Variants in CD200R1L observed in about 807,000 individuals in gnomAD.
The protein encoded by CD200R1L is CD200 receptor 1 like, also known as cell surface glycoprotein CD200 receptor 2.
Under a neutral mutation model 24.8 loss-of-function variants are expected in CD200R1L, and 14 were observed. The observed-to-expected ratio is 0.56, with a 90% confidence interval of 0.37 to 0.88. The LOEUF (loss-of-function observed/expected upper bound fraction) is 0.88, where lower values mean the gene tolerates loss of function less well. Ranked by LOEUF, CD200R1L falls within the 40% of genes least tolerant of loss-of-function variation. The pLI, the probability that CD200R1L is intolerant of heterozygous loss-of-function variation, is 0.00. For missense variants in CD200R1L, 299 were observed against 297.8 expected, an observed-to-expected ratio of 1.00 and a Z score of -0.03; for synonymous variants, 111 against 109.2, an observed-to-expected ratio of 1.02 and a Z score of -0.11.
chr3:112,822,613 T>C (rs1157783993), intron 6 of CD200R1L, among the ~76,000 whole-genome samples: 2 of 152,200 alleles, frequency 1.3e-5, no homozygotes, highest in African/African-American at 4.8e-5. Context: ...CCCCATACCT[T>C]GCCCTATGCA....
At chr3:112,830,265 G>A (rs1455346807) in intron 3 of CD200R1L, among the ~76,000 whole-genome samples, 1 of 152,116 alleles carries the variant, frequency 6.6e-6, no homozygotes, top group Admixed American at 6.5e-5. Context: ...CTTCAGTGAT[G>A]GCCTAGGGGA....
intron 6 of CD200R1L, among the ~76,000 whole-genome samples, chr3:112,823,388 C>CAA (rs571245755): frequency 2.6e-5 from 4 of 152,168 alleles, no homozygotes; most frequent in Non-Finnish European, 5.9e-5. Context: ...GTTCAGGTGG[C>CAA]AATCTGGGAC....
At chr3:112,823,063 G>T (rs906436497) in intron 6 of CD200R1L, among the ~76,000 whole-genome samples, 28 of 152,156 alleles carry the variant, frequency 1.8e-4, no homozygotes, top group Non-Finnish European at 3.8e-4. Context: ...AAAACAAACT[G>T]TAACTTTAAT....
At chr3:112,846,098 T>G (rs1470342730) in intron 1 of CD200R1L, 148 bp from the exon 2 acceptor site, 1 of 184,266 alleles carries the variant, frequency 5.4e-6, no homozygotes, top group Non-Finnish European at 1.1e-5. Flanking sequence ...AAATCTTGAG[T>G]GTATGGTTTG....
chr3:112,845,114 G>C (rs1939171536), intron 2 of CD200R1L, among the ~76,000 whole-genome samples: 1 of 151,600 alleles, frequency 6.6e-6, no homozygotes, highest in African/African-American at 2.4e-5. Flanking sequence ...TCCTTGAAAA[G>C]ACAAACAAGG....
Position 112,846,743 on chromosome 3 carries a change from T to C in CD200R1L, c.-477A>G, listed in dbSNP as rs1434681736. 6.6e-6 allele frequency: 1 copy of C among 152,218 alleles called. No homozygotes were observed. The highest frequency in any genetic ancestry group is 1.5e-5 in the Non-Finnish European group (1 of 68,046). The allele number at this position is 152,218 out of a possible 1,614,324, so 9.4% of individuals were successfully genotyped here. A position where few individuals can be genotyped will look rare whatever the true frequency, so the allele number is the denominator to read the frequency against. On this transcript the variant is annotated 5_prime_UTR_variant, in exon 1 of 8. Transcript: ENST00000488794. ...TGACTGGCGTCTTTGGTTTATTCTTTTTTTCTTCTTTTGCACTTCTTAGCT... is the reference window on the plus strand; with the variant it reads ...TGACTGGCGTCTTTGGTTTATTCTTCTTTTCTTCTTTTGCACTTCTTAGCT...
chr3:112,829,150 G>A (rs998489954), intron 4 of CD200R1L, among the ~76,000 whole-genome samples, 169 bp downstream of exon 4: 1 of 152,170 alleles, frequency 6.6e-6, no homozygotes, highest in African/African-American at 2.4e-5. Context: ...TGGCTTGTTT[G>A]GAGAACTAGA....
In CD200R1L at chr3:112,815,863, T is replaced by A; in HGVS notation, c.*100A>T. ...TACTGAGTGGCTTCTATCCTTAACA[T>A]CATCCATGGCCCAAGTTCACTGCTG... On this transcript the variant is annotated 3_prime_UTR_variant, in exon 8 of 8. Transcript: ENST00000488794. 1.3e-6 allele frequency: 1 copy of A among 749,198 alleles called. No homozygotes were observed. The highest frequency in any genetic ancestry group is 1.5e-5 in the South Asian group (1 of 68,716). The allele number at this position is 749,198 out of a possible 1,614,324, so 46.4% of individuals were successfully genotyped here.
intron 3 of CD200R1L, among the ~76,000 whole-genome samples, chr3:112,835,560 G>A (rs984442562): frequency 7.2e-5 from 11 of 152,362 alleles, no homozygotes; most frequent in African/African-American, 2.6e-4. Context: ...CAGTTTGCGG[G>A]ACCAGTAGCC....
At chr3:112,837,277 T>C (rs934326753) in intron 3 of CD200R1L, among the ~76,000 whole-genome samples, 5 of 152,238 alleles carry the variant, frequency 3.3e-5, no homozygotes, top group African/African-American at 9.6e-5. Context: ...TAGAATAGTC[T>C]TTATCCCATT....
At chr3:112,825,172 G>A (rs1296028505) in intron 6 of CD200R1L, among the ~76,000 whole-genome samples, 1 of 151,868 alleles carries the variant, frequency 6.6e-6, no homozygotes, top group Non-Finnish European at 1.5e-5. Flanking sequence ...CTGGGAGGTG[G>A]AGCTTGCAGT....
Position 112,819,832 on chromosome 3 carries a change from A to G in CD200R1L, c.680T>C (p.Leu227Pro). The change falls in exon 7 of 8, where the codon CTT becomes CCT. Residue 227 changes from leucine to proline, a missense_variant. Leu to Pro is a moderately conservative substitution (Grantham distance 98). Coordinates refer to ENST00000488794, the MANE Select transcript of CD200R1L (RefSeq NM_001199215.3). ...LLIILYVKLS[L>P]FVVILVTTGF... ...TGTGGTGACCAGAATGACCACAAAAAGAGAGAGTTTCACATAAAGAATGAT... is the reference window on the plus strand; with the variant it reads ...TGTGGTGACCAGAATGACCACAAAAGGAGAGAGTTTCACATAAAGAATGAT... The G allele has an allele frequency of 6.2e-7, 1 of 1,611,216 alleles. No homozygotes were observed. Among genetic ancestry groups the G allele is most frequent in the East Asian group, 2.2e-5 (1 of 44,688 alleles).
At chr3:112,820,157 A>G in intron 6 of CD200R1L, among the ~76,000 whole-genome samples, 1 of 152,186 alleles carries the variant, frequency 6.6e-6, no homozygotes, top group East Asian at 1.9e-4. Flanking sequence ...CATTGCTAAT[A>G]CTTTCCAATT....
intron 6 of CD200R1L, among the ~76,000 whole-genome samples, chr3:112,826,374 C>T (rs2107336941): frequency 6.6e-6 from 1 of 152,180 alleles, no homozygotes; most frequent in East Asian, 1.9e-4. Context: ...CTATTATCCT[C>T]ATTTAACAGA....
rs922741753 is a variant in CD200R1L, at chr3:112,831,507, C to T, written c.-17-2123G>A. ...GAAAATTTACATGTTGAAGTCCTAA[C>T]CCTCAGAGATGTGATCTTATTTGAA... On this transcript the variant is annotated intron_variant, in intron 3 of 7. Coordinates refer to ENST00000488794, the MANE Select transcript of CD200R1L (RefSeq NM_001199215.3). Among the ~76,000 whole-genome samples, 8 of 152,128 alleles carry T rather than the reference C, an allele frequency of 5.3e-5. No individual in the cohort carries two copies. The East Asian group carries it at 1.5e-3, about 29-fold the overall frequency.
At chr3:112,840,991 T>A (rs1467463340) in intron 2 of CD200R1L, among the ~76,000 whole-genome samples, 1 of 152,218 alleles carries the variant, frequency 6.6e-6, no homozygotes. Context: ...ACCACAGATC[T>A]GCTCCTTAAT....
intron 3 of CD200R1L, among the ~76,000 whole-genome samples, chr3:112,830,437 C>T (rs1938768315): frequency 6.7e-6 from 1 of 149,086 alleles, no homozygotes; most frequent in Admixed American, 6.7e-5. Flanking sequence ...ACAATGGGAT[C>T]AACCCAAAGG....
At chr3:112,827,873 A>T (rs1054087633) in intron 4 of CD200R1L, among the ~76,000 whole-genome samples, 189 bp from the exon 5 acceptor site, 1 of 152,204 alleles carries the variant, frequency 6.6e-6, no homozygotes, top group African/African-American at 2.4e-5. Context: ...ACCCAATCTA[A>T]AGATTAACAA....
chr3:112,815,772 G>T lies in CD200R1L; in HGVS notation c.*191C>A. On this transcript the variant is annotated 3_prime_UTR_variant, in exon 8 of 8. Coordinates refer to ENST00000488794, the MANE Select transcript of CD200R1L (RefSeq NM_001199215.3). ...GAAGTCAATGAATAGGTGGTTGAGGGTTTATAGGGAAACTTCATGGTCATC... is the reference window on the plus strand; with the variant it reads ...GAAGTCAATGAATAGGTGGTTGAGGTTTTATAGGGAAACTTCATGGTCATC... 1 of 572,410 alleles carries T rather than the reference G, an allele frequency of 1.7e-6. No homozygotes were observed. The highest frequency in any genetic ancestry group is 3.2e-6 in the Non-Finnish European group (1 of 315,558). The allele number at this position is 572,410 out of a possible 1,614,324, so 35.5% of individuals were successfully genotyped here.
Sources: gnomAD v4.1 joint callset for allele counts (sites outside exome capture counted in the v4.1 genomes callset) on GRCh38, gnomAD v4.1.1 for gene constraint, MANE v1.5 for transcripts, NCBI Gene and HGNC (gene_info 2026-07-23, HGNC 2026-07-21) for gene names.